The following SOCS4 variants were observed in gnomAD, a reference collection of about 807,000 sequenced individuals.
The protein encoded by SOCS4 is suppressor of cytokine signaling 4, also known as SH2 domain containing SOCS box protein.
In SOCS4, 20 loss-of-function variants were observed where a neutral mutation model predicts 34.1. The observed-to-expected ratio is 0.59, with a 90% confidence interval of 0.41 to 0.85. SOCS4 has a LOEUF of 0.85. SOCS4 is among the 40% of genes least tolerant of loss of function. The probability of loss-of-function intolerance (pLI) is 0.00; values close to 1 mark genes in which losing one functional copy is unlikely to be tolerated. For synonymous variants in SOCS4, 180 were observed against 186.4 expected, an observed-to-expected ratio of 0.97 and a Z score of 0.28; for missense variants, 479 against 532.4, an observed-to-expected ratio of 0.90 and a Z score of 0.99.
chr14:55,028,601 A>T (rs867441647), intron 1 of SOCS4, among the ~76,000 whole-genome samples: 2 of 152,168 alleles, frequency 1.3e-5, no homozygotes, highest in Non-Finnish European at 2.9e-5. Flanking sequence ...CATAAGAAGA[A>T]TCTGCAAATT....
chr14:55,042,218 G>GGC (rs1303748859), intron 2 of SOCS4, among the ~76,000 whole-genome samples: 6 of 152,156 alleles, frequency 3.9e-5, no homozygotes, highest in Non-Finnish European at 7.3e-5. Flanking sequence ...TCAGAGGAAA[G>GGC]GCAGTGCCTT....
At chr14:55,041,522 A>G (rs1031643929) in intron 2 of SOCS4, among the ~76,000 whole-genome samples, 2 of 151,122 alleles carry the variant, frequency 1.3e-5, no homozygotes, top group African/African-American at 4.9e-5. Context: ...TCTGTCACCC[A>G]GGCTGGAGCG....
chr14:55,031,553 G>A (rs1241447909), intron 1 of SOCS4, among the ~76,000 whole-genome samples: 1 of 152,132 alleles, frequency 6.6e-6, no homozygotes, highest in Admixed American at 6.5e-5. Context: ...ACATCTTTCA[G>A]AACTAGTGTC....
In SOCS4 at chr14:55,044,196, C is replaced by G; in HGVS notation, c.1155C>G (p.Phe385Leu). 1.9e-6 allele frequency: 3 copies of G among 1,614,082 alleles called. No homozygotes were observed. The highest frequency in any genetic ancestry group is 2.2e-5 in the East Asian group (1 of 44,868). Residue 385 changes from phenylalanine to leucine, a missense_variant, in exon 3 of 3, where the codon TTC (phenylalanine) becomes TTG (leucine). Phe to Leu is a conservative substitution (Grantham distance 22). Transcript: ENST00000555846. ...PLLSTPLIRTFPFSLQHICRT... is the reference protein window; with the variant it reads ...PLLSTPLIRTLPFSLQHICRT... ...TATCCACTCCCTTAATTCGGACTTT[C>G]CCTTTTTCCCTGCAGCATATATGCA...
intron 2 of SOCS4, among the ~76,000 whole-genome samples, chr14:55,039,431 C>CATTTAT (rs1365177438): frequency 2.0e-5 from 3 of 151,886 alleles, no homozygotes; most frequent in Admixed American, 1.3e-4. Context: ...GAGACCCTGT[C>CATTTAT]TTAAAAAAAT....
At chr14:55,037,252 C>T (rs1455983068) in intron 2 of SOCS4, among the ~76,000 whole-genome samples, 1 of 151,418 alleles carries the variant, frequency 6.6e-6, no homozygotes, top group Non-Finnish European at 1.5e-5. Flanking sequence ...TCAAGCAATT[C>T]TCCTGCCTCA....
intron 2 of SOCS4, among the ~76,000 whole-genome samples, chr14:55,036,506 G>A (rs767929942): frequency 9.2e-5 from 14 of 151,990 alleles, no homozygotes; most frequent in Non-Finnish European, 1.6e-4. Context: ...ACCACACCCA[G>A]CTAATTTTTG....
chr14:55,041,547 C>G (rs2042618304), intron 2 of SOCS4, among the ~76,000 whole-genome samples: 1 of 147,492 alleles, frequency 6.8e-6, no homozygotes, highest in East Asian at 2.1e-4. Context: ...GGTGCGATCT[C>G]AGCCCACTGC....
Position 55,047,512 on chromosome 14 carries a change from A to G in SOCS4, c.*3148A>G, listed in dbSNP as rs2140252477. The G allele has an allele frequency of 6.0e-6, 1 of 167,160 alleles. No individual in the cohort carries two copies. Among genetic ancestry groups the G allele is most frequent in the East Asian group, 1.9e-4 (1 of 5,190 alleles). The allele number at this position is 167,160 out of a possible 1,614,324, so 10.4% of individuals were successfully genotyped here. A position where few individuals can be genotyped will look rare whatever the true frequency, so the allele number is the denominator to read the frequency against. On this transcript the variant is annotated 3_prime_UTR_variant, in exon 3 of 3. Transcript: ENST00000555846. ...TTCATGAAGGGAATGGTTTAATTTA[A>G]AGGAAGACCTAATAGGAAGAAGATT...
chr14:55,031,882 T>G lies in SOCS4; in HGVS notation c.-200T>G, dbSNP rs1401899133. On this transcript the variant is annotated 5_prime_UTR_variant, in exon 2 of 3. Coordinates refer to ENST00000555846, the MANE Select transcript of SOCS4 (RefSeq NM_199421.2). ...TCCAAGGAGTTCATCTGTTGTCTGC[T>G]CTCCAGTGACTTCCGTTTGTGGAGC... The G allele has an allele frequency of 6.6e-6, 1 of 152,196 alleles. No individual in the cohort carries two copies. The highest frequency in any genetic ancestry group is 6.5e-5 in the Admixed American group (1 of 15,288). 9.4% of individuals were successfully genotyped at this position (152,196 alleles called of 1,614,324 possible). A position where few individuals can be genotyped will look rare whatever the true frequency, so the allele number is the denominator to read the frequency against.
At chr14:55,040,869 A>G (rs906416205) in intron 2 of SOCS4, among the ~76,000 whole-genome samples, 1 of 151,856 alleles carries the variant, frequency 6.6e-6, no homozygotes, top group African/African-American at 2.4e-5. Flanking sequence ...AGGGCTGACC[A>G]TAATAACTAT....
chr14:55,045,096 A>G lies in SOCS4; in HGVS notation c.*732A>G, dbSNP rs994706692. On this transcript the variant is annotated 3_prime_UTR_variant, in exon 3 of 3. Transcript: ENST00000555846. ...TGGCCGGATCATTTGTCATTCCTGAATAGGTCTTTCTCTCAACCTGCAAGA... is the reference window on the plus strand; with the variant it reads ...TGGCCGGATCATTTGTCATTCCTGAGTAGGTCTTTCTCTCAACCTGCAAGA... 4 of 167,036 alleles carry G rather than the reference A, an allele frequency of 2.4e-5. No individual in the cohort carries two copies. The highest frequency in any genetic ancestry group is 5.9e-5 in the Non-Finnish European group (4 of 68,088). 10.3% of individuals were successfully genotyped at this position (167,036 alleles called of 1,614,324 possible).
At chr14:55,042,644 A>G (rs995285955) in intron 2 of SOCS4, among the ~76,000 whole-genome samples, 1 of 152,246 alleles carries the variant, frequency 6.6e-6, no homozygotes, top group African/African-American at 2.4e-5. Flanking sequence ...CTTCAAGACT[A>G]GAAACTATTC....
intron 2 of SOCS4, among the ~76,000 whole-genome samples, chr14:55,038,466 A>C (rs938169452): frequency 3.3e-5 from 5 of 152,176 alleles, no homozygotes; most frequent in Non-Finnish European, 5.9e-5. Context: ...CAGCTTTGAC[A>C]GATCTTTTCT....
At chr14:55,037,008 T>C (rs913910188) in intron 2 of SOCS4, among the ~76,000 whole-genome samples, 1 of 151,948 alleles carries the variant, frequency 6.6e-6, no homozygotes, top group Non-Finnish European at 1.5e-5. Flanking sequence ...CCCAGTTATT[T>C]GGGAGGCTGA....
chr14:55,034,920 G>A (rs2042559287), intron 2 of SOCS4, among the ~76,000 whole-genome samples: 3 of 150,830 alleles, frequency 2.0e-5, no homozygotes, highest in African/African-American at 2.4e-5. Flanking sequence ...GAGTGCAATG[G>A]TGCAATCTTG....
intron 2 of SOCS4, 38 bp from the exon 3 acceptor site, chr14:55,042,914 A>G: frequency 1.3e-6 from 1 of 788,400 alleles, no homozygotes; most frequent in South Asian, 1.9e-5. Flanking sequence ...GACAAGGTAG[A>G]TGACAAATGG....
At position 55,044,593 on chromosome 14, in the gene SOCS4, C is replaced by T. The variant is rs570496516; in HGVS notation, c.*229C>T. 3 of 242,356 alleles carry T rather than the reference C, an allele frequency of 1.2e-5. No individual in the cohort carries two copies. The highest frequency in any genetic ancestry group is 9.0e-5 in the East Asian group (1 of 11,136). 15.0% of individuals were successfully genotyped at this position (242,356 alleles called of 1,614,324 possible). On this transcript the variant is annotated 3_prime_UTR_variant, in exon 3 of 3. Coordinates refer to ENST00000555846, the MANE Select transcript of SOCS4 (RefSeq NM_199421.2). ...ACCAGGTGTTTGGTTTTTGTTTTTA[C>T]CGTGTAGGTTGTATACTTACATTTT...
At chr14:55,033,904 G>A (rs1015837301) in intron 2 of SOCS4, among the ~76,000 whole-genome samples, 11 of 152,148 alleles carry the variant, frequency 7.2e-5, no homozygotes, top group African/African-American at 2.4e-4. Context: ...TGGCCGAGGT[G>A]GGTGGATCAT....
Sources: gnomAD v4.1 joint callset for allele counts (sites outside exome capture counted in the v4.1 genomes callset) on GRCh38, gnomAD v4.1.1 for gene constraint, MANE v1.5 for transcripts, NCBI Gene and HGNC (gene_info 2026-07-23, HGNC 2026-07-21) for gene names.